Variants in MIPOL1 observed in about 807,000 individuals in gnomAD.
MIPOL1 encodes the protein mirror-image polydactyly 1.
MIPOL1 carries 57 observed loss-of-function variants against 60.9 expected under a neutral mutation model. That is an observed-to-expected ratio of 0.94 (90% confidence interval 0.76 to 1.17). The LOEUF is 1.17. MIPOL1 is among the 50% of genes most tolerant of loss of function. The probability of loss-of-function intolerance (pLI) is 0.00; values close to 1 mark genes in which losing one functional copy is unlikely to be tolerated. For synonymous variants in MIPOL1, 179 were observed against 168.8 expected (o/e 1.06, Z -0.47); for missense variants, 551 against 511.6 (o/e 1.08, Z -0.74).
chr14:37,199,866 CTG>C (rs1370426516), intron 1 of MIPOL1, among the ~76,000 whole-genome samples: 1 of 152,128 alleles, frequency 6.6e-6, no homozygotes, highest in South Asian at 2.1e-4. Context: ...TAGAAAATTA[CTG>C]TGTTACAGGA....
intron 3 of MIPOL1, among the ~76,000 whole-genome samples, chr14:37,264,165 C>T (rs1043236629): frequency 6.6e-6 from 1 of 152,124 alleles, no homozygotes; most frequent in East Asian, 1.9e-4. Flanking sequence ...TAACTGCTTT[C>T]ATCTTCTCTT....
At chr14:37,437,969 A>G (rs571819308) in intron 11 of MIPOL1, among the ~76,000 whole-genome samples, 1 of 152,234 alleles carries the variant, frequency 6.6e-6, no homozygotes, top group African/African-American at 2.4e-5. Flanking sequence ...TGTGAACACA[A>G]TATGCAATCA....
intron 9 of MIPOL1, among the ~76,000 whole-genome samples, chr14:37,330,724 T>TTG (rs2089604884): frequency 6.6e-6 from 1 of 151,084 alleles, no homozygotes; most frequent in Non-Finnish European, 1.5e-5. Context: ...TTTTTTTTTT[T>TTG]GCAACCTGTT....
intron 11 of MIPOL1, among the ~76,000 whole-genome samples, chr14:37,439,033 A>C (rs2094203438): frequency 6.6e-6 from 1 of 152,232 alleles, no homozygotes; most frequent in Admixed American, 6.5e-5. Context: ...TTAAGAGCCT[A>C]CTGTGTACTA....
intron 11 of MIPOL1, among the ~76,000 whole-genome samples, chr14:37,487,508 T>C (rs1165470210): frequency 6.6e-6 from 1 of 152,200 alleles, no homozygotes; most frequent in East Asian, 1.9e-4. Flanking sequence ...ACTGACTCAA[T>C]TTCAGAACTT....
At chr14:37,360,322 A>G (rs1240640327) in intron 9 of MIPOL1, among the ~76,000 whole-genome samples, 3 of 152,042 alleles carry the variant, frequency 2.0e-5, no homozygotes. Flanking sequence ...TATCAGGGTG[A>G]TGTTGCCTCA....
At chr14:37,326,124 A>G (rs561228924) in intron 9 of MIPOL1, among the ~76,000 whole-genome samples, 3 of 152,308 alleles carry the variant, frequency 2.0e-5, no homozygotes, top group South Asian at 2.1e-4. Flanking sequence ...AAAACATTGT[A>G]TAATAGACTC....
intron 9 of MIPOL1, among the ~76,000 whole-genome samples, chr14:37,322,766 A>T (rs1028862479): frequency 1.1e-4 from 16 of 152,010 alleles, no homozygotes; most frequent in African/African-American, 2.7e-4. Flanking sequence ...TTGACCGCAT[A>T]AATGTCTTCT....
intron 9 of MIPOL1, among the ~76,000 whole-genome samples, chr14:37,345,042 A>G (rs1205562266): frequency 6.6e-6 from 1 of 151,564 alleles, no homozygotes; most frequent in Non-Finnish European, 1.5e-5. Context: ...ATAGTGGACA[A>G]TACTTAAATA....
At position 37,304,066 on chromosome 14, in the gene MIPOL1, A is replaced by G. The variant is rs1452011002; in HGVS notation, c.624-3990A>G. Among the ~76,000 whole-genome samples the G allele has an allele frequency of 4.0e-5, 6 of 151,832 alleles. No homozygotes were observed. The South Asian group carries it at 1.2e-3, about 31-fold the overall frequency. On this transcript the variant is annotated intron_variant, in intron 7 of 12. Coordinates refer to ENST00000684589, the MANE Select transcript of MIPOL1 (RefSeq NM_001388067.1). The stretch of plus-strand genomic sequence containing the variant: ...AGAGTGTGTTTTAGAGTACATCTTG[A>G]TAACAGGACCAATGCATAACTGTTT...
chr14:37,510,210 A>G (rs895061597), intron 12 of MIPOL1, among the ~76,000 whole-genome samples: 1 of 151,924 alleles, frequency 6.6e-6, no homozygotes, highest in Non-Finnish European at 1.5e-5. Context: ...ATATACACAT[A>G]CATATACGTG....
intron 1 of MIPOL1, among the ~76,000 whole-genome samples, chr14:37,244,146 G>A (rs368843810): frequency 4.9e-5 from 5 of 101,774 alleles, no homozygotes; most frequent in African/African-American, 1.6e-4. Flanking sequence ...TGTGAGACAG[G>A]GTCTCACTCT....
chr14:37,205,580 A>G (rs1454888986), intron 1 of MIPOL1, among the ~76,000 whole-genome samples: 1 of 151,960 alleles, frequency 6.6e-6, no homozygotes, highest in Non-Finnish European at 1.5e-5. Context: ...TCAACTCATC[A>G]TTTACATTGG....
chr14:37,343,333 G>A (rs1172165185), intron 9 of MIPOL1, among the ~76,000 whole-genome samples: 1 of 152,036 alleles, frequency 6.6e-6, no homozygotes, highest in Non-Finnish European at 1.5e-5. Context: ...TGTGGAAAAA[G>A]CATTGTAATT....
At chr14:37,309,788 G>T (rs1239864823) in intron 9 of MIPOL1, among the ~76,000 whole-genome samples, 1 of 151,514 alleles carries the variant, frequency 6.6e-6, no homozygotes, top group African/African-American at 2.4e-5. Context: ...CCAGGTTCAA[G>T]TGATTCTTCT....
chr14:37,253,043 CATTCTGTATTAA>C (rs909352693), intron 3 of MIPOL1, among the ~76,000 whole-genome samples: 14 of 151,756 alleles, frequency 9.2e-5, no homozygotes, highest in Non-Finnish European at 1.9e-4. Flanking sequence ...GATAACTAAT[CATTCTGTATTAA>C]ATTACAGGAC....
Position 37,547,445 on chromosome 14 carries a change from G to C in MIPOL1, c.*474G>C, listed in dbSNP as rs1387691371. The C allele has an allele frequency of 6.5e-6, 1 of 153,826 alleles. No individual in the cohort carries two copies. Among genetic ancestry groups the C allele is most frequent in the East Asian group, 1.9e-4 (1 of 5,222 alleles). The allele number at this position is 153,826 out of a possible 1,614,324, so 9.5% of individuals were successfully genotyped here. A position where few individuals can be genotyped will look rare whatever the true frequency, so the allele number is the denominator to read the frequency against. ...GGTATATTTCTTAACTGATGAGAGA[G>C]GCTTAGACATGAGTGTGTAGTCTTC... On this transcript the variant is annotated 3_prime_UTR_variant, in exon 13 of 13. Transcript: ENST00000684589.
intron 1 of MIPOL1, among the ~76,000 whole-genome samples, chr14:37,213,241 T>G (rs1459989883): frequency 6.6e-6 from 1 of 152,168 alleles, no homozygotes; most frequent in Non-Finnish European, 1.5e-5. Flanking sequence ...AGACCAATCC[T>G]GGAGAAACAG....
Position 37,548,947 on chromosome 14 carries a change from C to G in MIPOL1, c.*1976C>G, listed in dbSNP as rs1387197081. 3 of 151,826 alleles carry G rather than the reference C, an allele frequency of 2.0e-5. No homozygotes were observed. The highest frequency in any genetic ancestry group is 4.4e-5 in the Non-Finnish European group (3 of 67,792). The allele number at this position is 151,826 out of a possible 1,614,324, so 9.4% of individuals were successfully genotyped here. On this transcript the variant is annotated 3_prime_UTR_variant, in exon 13 of 13. Coordinates refer to ENST00000684589, the MANE Select transcript of MIPOL1 (RefSeq NM_001388067.1). ...AATAATTCTAACATCCACTATTGTT[C>G]AGTATAGGTAATCTCCCAAAAATAT...
Sources: allele counts gnomAD v4.1 joint callset (sites outside exome capture counted in the v4.1 genomes callset), GRCh38; gene constraint gnomAD v4.1.1; transcripts MANE v1.5; gene names NCBI Gene and HGNC (gene_info 2026-07-23, HGNC 2026-07-21).